SNX14: variants seen among roughly 807,000 people sequenced by gnomAD.
SNX14 encodes the protein sorting nexin-14.
SNX14 carries 93 observed loss-of-function variants against 133.8 expected under a neutral mutation model. The ratio of observed to expected loss-of-function variants is 0.70; its 90% CI spans 0.59 to 0.83. The LOEUF is 0.83. Among genes scored for constraint, SNX14 ranks in the 40% least tolerant of loss-of-function variants. SNX14 has a pLI of 0.00. For missense variants in SNX14, 945 were observed against 1,094.9 expected, an observed-to-expected ratio of 0.86 and a Z score of 1.93; for synonymous variants, 368 against 365.6, an observed-to-expected ratio of 1.01 and a Z score of -0.07.
At chr6:85,589,070 C>T in intron 1 of SNX14, 1 of 358,514 alleles carries the variant, frequency 2.8e-6, no homozygotes, top group Non-Finnish European at 5.5e-6. Context: ...TCTCTAAAAA[C>T]ATTTTTATAT....
chr6:85,517,972 A>G, intron 22 of SNX14, 36 bp downstream of exon 22: 1 of 1,586,260 alleles, frequency 6.3e-7, no homozygotes, highest in Non-Finnish European at 8.6e-7. Context: ...GTTTATGATT[A>G]TCATGTTATA....
At chr6:85,514,315 T>A in intron 24 of SNX14, 81 bp from the exon 25 acceptor site, 1 of 1,521,516 alleles carries the variant, frequency 6.6e-7, no homozygotes, top group Non-Finnish European at 8.8e-7. Context: ...AAAACACAAA[T>A]GACCATGGTC....
intron 7 of SNX14, among the ~76,000 whole-genome samples, chr6:85,550,642 G>A (rs1050562757): frequency 5.9e-5 from 9 of 152,200 alleles, no homozygotes; most frequent in Middle Eastern, 6.8e-3. Flanking sequence ...GGGCCCACAG[G>A]CGGGTACTCC....
intron 6 of SNX14, among the ~76,000 whole-genome samples, chr6:85,563,520 T>A (rs563803812): frequency 3.4e-4 from 52 of 152,204 alleles, no homozygotes; most frequent in African/African-American, 5.8e-4. Flanking sequence ...GCCTCCTGAG[T>A]AGCTGGTATT....
chr6:85,507,777 T>C (rs1293392027), intron 27 of SNX14, among the ~76,000 whole-genome samples, 191 bp downstream of exon 27: 2 of 152,180 alleles, frequency 1.3e-5, no homozygotes, highest in Non-Finnish European at 2.9e-5. Flanking sequence ...TCAAAATAAT[T>C]CATCTTATTT....
At chr6:85,575,283 C>T (rs1408080591) in intron 1 of SNX14, among the ~76,000 whole-genome samples, 1 of 152,192 alleles carries the variant, frequency 6.6e-6, no homozygotes, top group African/African-American at 2.4e-5. Flanking sequence ...TCCCCCACAA[C>T]ACAGTTCAAA....
At chr6:85,538,160 C>T (rs963147994) in intron 16 of SNX14, among the ~76,000 whole-genome samples, 3 of 152,188 alleles carry the variant, frequency 2.0e-5, no homozygotes, top group South Asian at 2.1e-4. Flanking sequence ...GTATTTTACA[C>T]ACATCCAAGA....
At chr6:85,587,228 A>T (rs1801188411) in intron 1 of SNX14, among the ~76,000 whole-genome samples, 1 of 152,120 alleles carries the variant, frequency 6.6e-6, no homozygotes, top group African/African-American at 2.4e-5. Context: ...ATATGGCAAA[A>T]TATGGATAGT....
At chr6:85,540,898 T>A (rs1783494378) in intron 15 of SNX14, among the ~76,000 whole-genome samples, 1 of 152,002 alleles carries the variant, frequency 6.6e-6, no homozygotes, top group African/African-American at 2.4e-5. Flanking sequence ...GTCAATTTTG[T>A]ACACATATTA....
chr6:85,522,954 A>T (rs1317663228), intron 21 of SNX14, among the ~76,000 whole-genome samples: 1 of 152,206 alleles, frequency 6.6e-6, no homozygotes, highest in Non-Finnish European at 1.5e-5. Context: ...TAGACAAATG[A>T]TACCTTCCTA....
chr6:85,553,286 T>C (rs545023991), intron 7 of SNX14, among the ~76,000 whole-genome samples: 1 of 152,266 alleles, frequency 6.6e-6, no homozygotes, highest in Admixed American at 6.5e-5. Context: ...AAGAACATAG[T>C]TTTTATAAAA....
intron 8 of SNX14, among the ~76,000 whole-genome samples, 176 bp from the exon 9 acceptor site, chr6:85,548,552 A>G (rs940458014): frequency 1.3e-5 from 2 of 152,208 alleles, no homozygotes; most frequent in Admixed American, 6.5e-5. Flanking sequence ...TGTTCATGCT[A>G]CTGGTTTGCA....
At chr6:85,512,038 C>G (rs181941258) in intron 26 of SNX14, among the ~76,000 whole-genome samples, 1 of 152,220 alleles carries the variant, frequency 6.6e-6, no homozygotes, top group Non-Finnish European at 1.5e-5. Flanking sequence ...CTCAGGCCCC[C>G]CTGACCCCCT....
At chr6:85,574,055 TTTTTATAATAATAAAATCA>T (rs1796500081) in intron 2 of SNX14, among the ~76,000 whole-genome samples, 184 bp downstream of exon 2, 3 of 114,466 alleles carry the variant, frequency 2.6e-5, no homozygotes, top group Non-Finnish European at 6.4e-5. Context: ...TGGATGGATT[TTTTTATAATAATAAAATCA>T]TTTTATAATA....
intron 21 of SNX14, among the ~76,000 whole-genome samples, chr6:85,520,157 C>T (rs1467292484): frequency 2.0e-5 from 3 of 151,422 alleles, no homozygotes; most frequent in Non-Finnish European, 4.4e-5. Context: ...ATTCTCCTGC[C>T]TAGGCCACCC....
intron 21 of SNX14, among the ~76,000 whole-genome samples, chr6:85,522,091 CA>C (rs143812120): frequency 1.3e-5 from 2 of 152,298 alleles, no homozygotes; most frequent in African/African-American, 4.8e-5. Flanking sequence ...AATACCTTTA[CA>C]GGTTTCTATA....
At position 85,553,781 on chromosome 6, in the gene SNX14, G is replaced by A. The variant is rs1010626904; in HGVS notation, c.635-3902C>T. The stretch of plus-strand genomic sequence containing the variant: ...AGCCTCGGCGACAGAGCAAGACTCC[G>A]TCTCCAAAAAAAAAAAAAGAATCTG... On this transcript the variant is annotated intron_variant, in intron 7 of 28. Transcript: ENST00000314673. Among the ~76,000 whole-genome samples the A allele has an allele frequency of 2.3e-3, 264 of 112,810 alleles. 1 individual carries two copies. Among genetic ancestry groups the A allele is most frequent in the African/African-American group, 7.1e-3 (227 of 32,040 alleles). 74.0% of individuals were successfully genotyped at this position (112,810 alleles called of 152,430 possible). A position where few individuals can be genotyped will look rare whatever the true frequency, so the allele number is the denominator to read the frequency against.
chr6:85,592,461 C>T (rs1222846301), intron 1 of SNX14, among the ~76,000 whole-genome samples: 1 of 152,236 alleles, frequency 6.6e-6, no homozygotes, highest in Non-Finnish European at 1.5e-5. Flanking sequence ...TCAATGAGAA[C>T]TATCTCAGAT....
intron 1 of SNX14, among the ~76,000 whole-genome samples, chr6:85,586,348 A>G (rs542986902): frequency 1.4e-4 from 22 of 152,314 alleles, no homozygotes; most frequent in Middle Eastern, 3.4e-3. Context: ...ACTACCTAAC[A>G]CTTTACAGAA....
Sources: allele counts gnomAD v4.1 joint callset (sites outside exome capture counted in the v4.1 genomes callset), GRCh38; gene constraint gnomAD v4.1.1; transcripts MANE v1.5; gene names NCBI Gene and HGNC (gene_info 2026-07-23, HGNC 2026-07-21).